GRB14: variants seen among roughly 807,000 people sequenced by gnomAD.
GRB14 encodes growth factor receptor-bound protein 14.
GRB14 carries 38 observed loss-of-function variants against 69.1 expected under a neutral mutation model. The observed-to-expected ratio is 0.55, with a 90% CI of 0.42 to 0.72. GRB14 has a LOEUF of 0.72. Ranked by LOEUF, GRB14 falls within the 30% of genes least tolerant of loss-of-function variation. The probability of loss-of-function intolerance (pLI) is 0.00; values close to 1 mark genes in which losing one functional copy is unlikely to be tolerated. For synonymous variants in GRB14, 247 were observed against 241.3 expected (o/e 1.02, Z -0.22); for missense variants, 666 against 666.1 (o/e 1.00, Z 0.00).
In GRB14 at chr2:164,497,473, A is replaced by C. The variant is rs145637032; in HGVS notation, c.1122T>G (p.Asn374Lys). 18 of 1,602,270 alleles carry C rather than the reference A, an allele frequency of 1.1e-5. No individual in the cohort carries two copies. The highest frequency in any genetic ancestry group is 1.5e-5 in the Non-Finnish European group (17 of 1,170,314). Reference protein sequence around the residue: ...SISPMRSISENSLVAMDFSGQ... With the variant: ...SISPMRSISEKSLVAMDFSGQ... ...CTGAGAAGTCCATTGCTACCAGGGA[A>C]TTCTCTGATATACTTCTCTGGAAAA... The change falls in exon 10 of 14, where the codon AAT becomes AAG. Residue 374 changes from asparagine (N) to lysine (K), a missense_variant. Asn to Lys is a moderately conservative substitution (Grantham distance 94, BLOSUM62 0). Coordinates refer to ENST00000263915, the MANE Select transcript of GRB14 (RefSeq NM_004490.3).
At chr2:164,539,386 A>G (rs1688174639) in intron 3 of GRB14, among the ~76,000 whole-genome samples, 1 of 151,990 alleles carries the variant, frequency 6.6e-6, no homozygotes, top group African/African-American at 2.4e-5. Flanking sequence ...GAGGCGCAAG[A>G]ATCACTTGCA....
chr2:164,585,145 G>C (rs1689509476), intron 2 of GRB14, among the ~76,000 whole-genome samples: 1 of 116,358 alleles, frequency 8.6e-6, no homozygotes, highest in Non-Finnish European at 1.7e-5. Context: ...ATGGGGTTTT[G>C]CCATGTCGGC....
chr2:164,563,523 T>G, intron 2 of GRB14, among the ~76,000 whole-genome samples: 1 of 152,228 alleles, frequency 6.6e-6, no homozygotes. Flanking sequence ...GAGCCTGTTC[T>G]TGGTCCTTCA....
intron 2 of GRB14, among the ~76,000 whole-genome samples, chr2:164,595,205 A>G (rs1266042777): frequency 7.2e-5 from 11 of 152,206 alleles, no homozygotes; most frequent in Admixed American, 7.2e-4. Flanking sequence ...GACATTAAGA[A>G]TTTTCAGTTT....
At chr2:164,543,212 A>T (rs973592703) in intron 3 of GRB14, among the ~76,000 whole-genome samples, 1 of 152,098 alleles carries the variant, frequency 6.6e-6, no homozygotes, top group Non-Finnish European at 1.5e-5. Flanking sequence ...GATGCACAAG[A>T]ATAGCTTGAG....
intron 2 of GRB14, among the ~76,000 whole-genome samples, chr2:164,618,215 T>C (rs948147662): frequency 6.6e-6 from 1 of 152,012 alleles, no homozygotes; most frequent in Non-Finnish European, 1.5e-5. Flanking sequence ...TCTGCCCGCC[T>C]CAGCCTCCCA....
intron 2 of GRB14, among the ~76,000 whole-genome samples, chr2:164,575,231 A>G (rs1327731555): frequency 6.6e-6 from 1 of 152,218 alleles, no homozygotes; most frequent in Non-Finnish European, 1.5e-5. Context: ...AAACTCATTA[A>G]TTATAAAGGC....
At chr2:164,567,684 TA>T (rs1038883070) in intron 2 of GRB14, among the ~76,000 whole-genome samples, 3 of 152,142 alleles carry the variant, frequency 2.0e-5, no homozygotes, top group African/African-American at 7.2e-5. Flanking sequence ...AAGTGAGACA[TA>T]AAAATAATCT....
rs568218754 is a variant in GRB14 at position 164,509,997 on chromosome 2, T to C, written c.817-1145A>G. ...TGAATGACTGTAGTTTCTAACACCA[T>C]TGGAGAATAAGACAGGAAAGAAAAT... is the stretch of plus-strand genomic sequence containing the variant. On this transcript the variant is annotated intron_variant, in intron 6 of 13. Transcript: ENST00000263915. Among the ~76,000 whole-genome samples, 12 of 152,136 alleles carry C rather than the reference T, an allele frequency of 7.9e-5. No individual in the cohort carries two copies. The East Asian group carries it at 1.5e-3, about 20-fold the overall frequency.
At chr2:164,611,616 T>C (rs1263767902) in intron 2 of GRB14, among the ~76,000 whole-genome samples, 2 of 151,120 alleles carry the variant, frequency 1.3e-5, no homozygotes, top group Admixed American at 1.3e-4. Flanking sequence ...TATCCTTATT[T>C]CTAAGTTTAG....
intron 2 of GRB14, among the ~76,000 whole-genome samples, chr2:164,549,082 C>T (rs1341093780): frequency 2.6e-5 from 4 of 151,960 alleles, no homozygotes; most frequent in African/African-American, 4.8e-5. Context: ...GCTTTCGCCA[C>T]GTTAGTCAGG....
rs1470254816 is a variant in GRB14, at chr2:164,502,325, T to C, written c.1034A>G (p.Gln345Arg). The change falls in exon 9 of 14, where the codon CAG becomes CGG. Residue 345 changes from glutamine to arginine, a missense_variant. Coordinates refer to ENST00000263915, the MANE Select transcript of GRB14 (RefSeq NM_004490.3). ...TAIRLLKYGM[Q>R]LYQNYMHPYQ... is the part of the protein sequence containing the mutation. ...TGGATGCATATAATTCTGGTACAGC[T>C]GCATGCCATACTGCAGAATAAATAA... 1.9e-6 allele frequency: 3 copies of C among 1,573,954 alleles called. No homozygotes were observed. The highest frequency in any genetic ancestry group is 2.7e-5 in the African/African-American group (2 of 74,158).
chr2:164,617,162 G>A (rs1030327758), intron 2 of GRB14, among the ~76,000 whole-genome samples: 1 of 152,076 alleles, frequency 6.6e-6, no homozygotes, highest in South Asian at 2.1e-4. Context: ...TCAACTTTGG[G>A]GTACCCTTGT....
intron 2 of GRB14, among the ~76,000 whole-genome samples, chr2:164,580,763 A>G (rs528243552): frequency 4.5e-4 from 69 of 152,266 alleles, no homozygotes; most frequent in African/African-American, 1.6e-3. Context: ...TTACACAATT[A>G]GCAAATATTA....
chr2:164,560,398 T>C (rs1336999232), intron 2 of GRB14, among the ~76,000 whole-genome samples: 2 of 152,192 alleles, frequency 1.3e-5, no homozygotes, highest in Non-Finnish European at 2.9e-5. Context: ...AGAGGGAGTC[T>C]TTATTTCTCA....
chr2:164,494,527 A>G lies in GRB14; in HGVS notation c.1383-3T>C. On this transcript the variant is annotated splice_region_variant and splice_polypyrimidine_tract_variant and intron_variant, in intron 12 of 13. Coordinates refer to ENST00000263915, the MANE Select transcript of GRB14 (RefSeq NM_004490.3). The stretch of plus-strand genomic sequence containing the variant: ...GACTATCCCGTACCAAGAAAACTCT[A>G]AAGAGAGAGAAGGAATTTCAATGTT... The G allele has an allele frequency of 1.4e-6, 2 of 1,406,062 alleles. No individual in the cohort carries two copies. Among genetic ancestry groups the G allele is most frequent in the African/African-American group, 2.8e-5 (2 of 70,928 alleles). 87.1% of individuals were successfully genotyped at this position (1,406,062 alleles called of 1,614,324 possible).
chr2:164,605,043 T>C (rs533914001), intron 2 of GRB14, among the ~76,000 whole-genome samples: 1 of 152,328 alleles, frequency 6.6e-6, no homozygotes, highest in African/African-American at 2.4e-5. Context: ...ATGAATTTTA[T>C]CTCCTTAATA....
At chr2:164,537,525 G>A (rs1688109199) in intron 3 of GRB14, among the ~76,000 whole-genome samples, 1 of 152,156 alleles carries the variant, frequency 6.6e-6, no homozygotes, top group Non-Finnish European at 1.5e-5. Flanking sequence ...GATGCTACAA[G>A]CCCCACAGAG....
intron 2 of GRB14, among the ~76,000 whole-genome samples, chr2:164,606,835 T>C (rs188889105): frequency 9.1e-4 from 139 of 152,324 alleles, no homozygotes; most frequent in Non-Finnish European, 1.7e-3. Context: ...AGTAGCCCTT[T>C]CATCTGAATA....
Sources: gnomAD v4.1 joint callset for allele counts (sites outside exome capture counted in the v4.1 genomes callset) on GRCh38, gnomAD v4.1.1 for gene constraint, MANE v1.5 for transcripts, NCBI Gene and HGNC (gene_info 2026-07-23, HGNC 2026-07-21) for gene names.